The following ACKR5 variants were observed in gnomAD, a reference collection of about 807,000 sequenced individuals.
ACKR5 encodes G protein-coupled receptor 182.
At chr12:56,995,112 C>G in the ACKR5 span, 10 of 1,107,604 alleles carry the variant, frequency 9.0e-6, no homozygotes, top group African/African-American at 1.2e-4. The surrounding 1 kb of genome is among the most constrained non-coding windows in gnomAD (Gnocchi z 4.7). Context: ...CCCAAAGCCC[C>G]CGACTCCCTC....
the ACKR5 span, chr12:56,997,748 G>T: frequency 1.3e-5 from 2 of 152,196 alleles, no homozygotes; most frequent in African/African-American, 4.8e-5. Context: ...CTGCTTAAGT[G>T]CTCCATGTGT....
At chr12:56,995,804 G>T in the ACKR5 span, 3 of 1,614,124 alleles carry the variant, frequency 1.9e-6, no homozygotes, top group Non-Finnish European at 2.5e-6. This position sits in a 1 kb window ranked among gnomAD's most constrained non-coding sequence, Gnocchi z 4.7. Context: ...GGAGGGCCCT[G>T]AGCCCATGTG....
the ACKR5 span, chr12:56,998,136 G>A: frequency 6.6e-6 from 1 of 152,170 alleles, no homozygotes; most frequent in African/African-American, 2.4e-5. Flanking sequence ...CCTCTGACTT[G>A]GGCTACAGGA....
chr12:56,996,040 C>CCTG, the ACKR5 span: 1 of 1,611,114 alleles, frequency 6.2e-7, no homozygotes, highest in East Asian at 2.2e-5. Flanking sequence ...ATCATGTGAC[C>CCTG]CTGCTGCTGC....
At chr12:56,996,614 T>C in the ACKR5 span, 280 of 547,798 alleles carry the variant, frequency 5.1e-4, 1 homozygote, top group Middle Eastern at 5.8e-3. Flanking sequence ...TGTTGTACTA[T>C]TTGTCTCGGT....
chr12:56,995,499 T>C, the ACKR5 span: 8 of 1,614,164 alleles, frequency 5.0e-6, no homozygotes, highest in Non-Finnish European at 6.8e-6. This position sits in a 1 kb window ranked among gnomAD's most constrained non-coding sequence, Gnocchi z 4.7. Flanking sequence ...AACATGGCCA[T>C]CGCGGACCTG....
the ACKR5 span, chr12:56,995,853 C>A: frequency 1.9e-6 from 3 of 1,613,306 alleles, no homozygotes; most frequent in Admixed American, 1.7e-5. The surrounding 1 kb of genome is among the most constrained non-coding windows in gnomAD (Gnocchi z 4.7). Context: ...AGCACCTGGG[C>A]CCTGGCGGTG....
At chr12:56,997,855 G>A in the ACKR5 span, 1 of 152,190 alleles carries the variant, frequency 6.6e-6, no homozygotes, top group African/African-American at 2.4e-5. Flanking sequence ...CTGACAGCGT[G>A]CTCCAACTGC....
chr12:56,996,192 G>C, the ACKR5 span: 1 of 1,613,868 alleles, frequency 6.2e-7, no homozygotes, highest in Non-Finnish European at 8.5e-7. Context: ...CCACACTTCC[G>C]GGGCCGGCTC....
chr12:56,995,406 T>C, the ACKR5 span: 2 of 1,614,164 alleles, frequency 1.2e-6, no homozygotes, highest in Non-Finnish European at 8.5e-7. This position sits in a 1 kb window ranked among gnomAD's most constrained non-coding sequence, Gnocchi z 4.7. Flanking sequence ...ATGTTTGTGG[T>C]TGGGCTGGTG....
chr12:56,995,109 C>A, the ACKR5 span: 2 of 1,047,454 alleles, frequency 1.9e-6, no homozygotes, highest in Non-Finnish European at 2.8e-6. The surrounding 1 kb of genome is among the most constrained non-coding windows in gnomAD (Gnocchi z 4.7). Context: ...TTCCCCAAAG[C>A]CCCCGACTCC....
chr12:56,996,226 T>C, the ACKR5 span: 4 of 1,613,964 alleles, frequency 2.5e-6, no homozygotes, highest in African/African-American at 4.0e-5. Context: ...TCCATTACCT[T>C]CCTAAGGACC....
At chr12:56,994,567 C>A in the ACKR5 span, 2 of 153,476 alleles carry the variant, frequency 1.3e-5, no homozygotes, top group East Asian at 3.8e-4. Flanking sequence ...AGCCAAGGGC[C>A]CCCCAGCCTC....
chr12:56,998,021 AGTAAGGGCTTAGCCTATCAAT>A, the ACKR5 span: 2 of 152,354 alleles, frequency 1.3e-5, no homozygotes, highest in East Asian at 3.9e-4. Flanking sequence ...CTTGGGTCGC[AGTAAGGGCTTAGCCTATCAAT>A]GCAGAATTCA....
chr12:56,995,484 TCCTCAACATGG>T, the ACKR5 span: 2 of 1,614,022 alleles, frequency 1.2e-6, no homozygotes, highest in Admixed American at 3.3e-5. The surrounding 1 kb of genome is among the most constrained non-coding windows in gnomAD (Gnocchi z 4.7). Flanking sequence ...AACCTCTACA[TCCTCAACATGG>T]CCATCGCGGA....
the ACKR5 span, chr12:56,995,962 C>A: frequency 1.2e-6 from 2 of 1,611,830 alleles, no homozygotes; most frequent in Non-Finnish European, 1.7e-6. The surrounding 1 kb of genome is among the most constrained non-coding windows in gnomAD (Gnocchi z 4.7). Context: ...CAGGACAACC[C>A]AAGAGCCGGC....
chr12:56,997,816 T>C, the ACKR5 span: 2 of 152,256 alleles, frequency 1.3e-5, no homozygotes, highest in African/African-American at 2.4e-5. Context: ...TGTTCTACTT[T>C]GAGAAATCAG....
the ACKR5 span, chr12:56,996,145 C>A: frequency 2.5e-6 from 4 of 1,614,124 alleles, no homozygotes; most frequent in Middle Eastern, 6.6e-4. Context: ...CCATGCTGCA[C>A]TGTGTCATCA....
chr12:56,996,401 A>C, the ACKR5 span: 1 of 1,588,258 alleles, frequency 6.3e-7, no homozygotes, highest in Non-Finnish European at 8.6e-7. Context: ...CATCTCTCCC[A>C]CTCAGCCTCT....
Sources: allele counts gnomAD v4.1 joint callset, GRCh38; gene constraint gnomAD v4.1.1; non-coding constraint Gnocchi (gnomAD v3.1); transcripts MANE v1.5; gene names NCBI Gene and HGNC (gene_info 2026-07-23, HGNC 2026-07-21).